Variants in ADAMTSL3 observed in about 807,000 individuals in gnomAD.
The protein encoded by ADAMTSL3 is ADAMTS like 3, also known as ADAMTS-like protein 3.
ADAMTSL3 carries 128 observed loss-of-function variants against 201.7 expected under a neutral mutation model. The observed-to-expected ratio is 0.63, with a 90% CI of 0.55 to 0.73. ADAMTSL3 has a LOEUF of 0.73. ADAMTSL3 is among the 30% of genes least tolerant of loss of function. The pLI, the probability that ADAMTSL3 is intolerant of heterozygous loss-of-function variation, is 0.00. For missense variants in ADAMTSL3, 1,990 were observed against 2,119.6 expected (o/e 0.94, Z 1.20); for synonymous variants, 738 against 748.4 (o/e 0.99, Z 0.23).
At chr15:83,707,106 A>T (rs1318003417) in intron 3 of ADAMTSL3, among the ~76,000 whole-genome samples, 1 of 152,198 alleles carries the variant, frequency 6.6e-6, no homozygotes, top group East Asian at 1.9e-4. Flanking sequence ...TTAAGAACAA[A>T]GTCTCTGGAG....
At chr15:83,756,444 T>C (rs975471813) in intron 3 of ADAMTSL3, among the ~76,000 whole-genome samples, 10 of 152,198 alleles carry the variant, frequency 6.6e-5, no homozygotes, top group African/African-American at 2.4e-4. Context: ...TCAGATGTTG[T>C]GAGACTTATT....
At chr15:83,824,815 G>C (rs948864071) in intron 6 of ADAMTSL3, 1 of 151,868 alleles carries the variant, frequency 6.6e-6, no homozygotes, top group East Asian at 1.9e-4. Flanking sequence ...TTCATGGCTT[G>C]ATAGCTCATT....
At chr15:83,926,613 CT>C (rs5814168) in intron 17 of ADAMTSL3, among the ~76,000 whole-genome samples, 88,549 of 119,850 alleles carry the variant, frequency 0.74, 30,928 homozygotes, top group East Asian at 0.86. Context: ...ACACTAACAA[CT>C]TTTTTTTTTT....
chr15:83,892,624 C>CTTTTTTT, intron 12 of ADAMTSL3, 60 bp from the exon 13 acceptor site: 1 of 1,528,310 alleles, frequency 6.5e-7, no homozygotes, highest in Non-Finnish European at 8.9e-7. Flanking sequence ...TTGCCACCAT[C>CTTTTTTT]TTTGCAAACT....
rs553736176 is a variant in ADAMTSL3 at position 83,936,232 on chromosome 15, A to G, written c.2118-6364A>G. ...TTAAAGTGCTTTAGGCCCTTATACC[A>G]TTTGTTAAGATGGAAATGATTTTGG... On this transcript the variant is annotated intron_variant, in intron 17 of 29. Transcript: ENST00000286744. Among the ~76,000 whole-genome samples the G allele has an allele frequency of 5.3e-5, 8 of 151,726 alleles. No individual in the cohort carries two copies. In the East Asian group the frequency reaches 7.7e-4, roughly 15 times the overall value.
At chr15:83,884,222 G>C (rs1428393316) in intron 9 of ADAMTSL3, among the ~76,000 whole-genome samples, 3 of 151,544 alleles carry the variant, frequency 2.0e-5, no homozygotes, top group Non-Finnish European at 4.4e-5. Context: ...ATTTTTAATT[G>C]ACAAAAATTG....
chr15:84,020,585 A>G (rs1047925778), intron 25 of ADAMTSL3, among the ~76,000 whole-genome samples: 1 of 152,252 alleles, frequency 6.6e-6, no homozygotes, highest in Non-Finnish European at 1.5e-5. Flanking sequence ...AACAAGTGAA[A>G]GAAATCACTC....
At chr15:83,740,647 C>T (rs756781012) in intron 3 of ADAMTSL3, among the ~76,000 whole-genome samples, 19 of 152,042 alleles carry the variant, frequency 1.2e-4, no homozygotes, top group Non-Finnish European at 1.8e-4. Flanking sequence ...AATAGAGTAA[C>T]GGCCACAAAA....
intron 28 of ADAMTSL3, among the ~76,000 whole-genome samples, chr15:84,036,063 C>G (rs2068499815): frequency 1.3e-5 from 2 of 152,130 alleles, no homozygotes; most frequent in Non-Finnish European, 2.9e-5. Context: ...GGAAGACACT[C>G]TCAAGCAGTG....
intron 17 of ADAMTSL3, among the ~76,000 whole-genome samples, chr15:83,929,735 GACAC>G (rs779089272): frequency 5.4e-5 from 8 of 147,686 alleles, no homozygotes; most frequent in South Asian, 2.2e-4. Flanking sequence ...GACAGAGACA[GACAC>G]ACACACACAC....
At chr15:83,904,105 G>T (rs1434410537) in intron 15 of ADAMTSL3, among the ~76,000 whole-genome samples, 3 of 151,402 alleles carry the variant, frequency 2.0e-5, no homozygotes, top group Non-Finnish European at 2.9e-5. Flanking sequence ...ACTCCTGAAG[G>T]ACACCACCCT....
chr15:83,904,775 C>T (rs1464984237), intron 15 of ADAMTSL3, among the ~76,000 whole-genome samples: 6 of 152,168 alleles, frequency 3.9e-5, no homozygotes, highest in African/African-American at 1.2e-4. Context: ...TTGTTGCCCT[C>T]GCTGTCGTTT....
At chr15:83,884,536 A>C (rs762471758) in intron 9 of ADAMTSL3, among the ~76,000 whole-genome samples, 10 of 151,656 alleles carry the variant, frequency 6.6e-5, no homozygotes, top group Admixed American at 5.3e-4. Context: ...TGACCTCCCA[A>C]AGTGCCGAGA....
chr15:84,033,309 T>G (rs956073020), intron 28 of ADAMTSL3, among the ~76,000 whole-genome samples: 99 of 152,250 alleles, frequency 6.5e-4, no homozygotes, highest in African/African-American at 2.3e-3. Flanking sequence ...TAAAATTACT[T>G]TAGAGGTTTT....
At chr15:83,913,895 G>A (rs1471059135) in intron 16 of ADAMTSL3, among the ~76,000 whole-genome samples, 1 of 152,190 alleles carries the variant, frequency 6.6e-6, no homozygotes, top group Admixed American at 6.5e-5. Flanking sequence ...TTAGAAAGTG[G>A]TTGTATAGCC....
chr15:83,982,366 G>A lies in ADAMTSL3; in HGVS notation c.2738G>A (p.Arg913His), dbSNP rs753197024. 25 of 1,613,882 alleles carry A rather than the reference G, an allele frequency of 1.5e-5. No individual in the cohort carries two copies. Among genetic ancestry groups the A allele is most frequent in the African/African-American group, 5.3e-5 (4 of 74,862 alleles). Reference sequence around the variant, plus strand: ...TACATTCAGACAAGGGAAGAGAAGCGTATTAACCTGACCATTGGTAGCAGA... The same window carrying A: ...TACATTCAGACAAGGGAAGAGAAGCATATTAACCTGACCATTGGTAGCAGA... ...RVYIQTREEK[R>H]INLTIGSRAY... Residue 913 changes from arginine to histidine, a missense_variant, in exon 21 of 30, where the codon CGT (arginine) becomes CAT (histidine). Coordinates refer to ENST00000286744, the MANE Select transcript of ADAMTSL3 (RefSeq NM_207517.3).
intron 9 of ADAMTSL3, among the ~76,000 whole-genome samples, chr15:83,884,512 T>A (rs2141867738): frequency 6.6e-6 from 1 of 151,926 alleles, no homozygotes; most frequent in South Asian, 2.1e-4. Context: ...TGACCTCAAG[T>A]GATCTACCTG....
intron 23 of ADAMTSL3, among the ~76,000 whole-genome samples, chr15:83,994,925 G>A (rs1484556788): frequency 1.3e-5 from 2 of 151,882 alleles, no homozygotes; most frequent in Non-Finnish European, 2.9e-5. Context: ...AGGAGTTTTT[G>A]TATAGTATAT....
At chr15:83,719,702 C>T (rs1050473041) in intron 3 of ADAMTSL3, among the ~76,000 whole-genome samples, 2 of 152,070 alleles carry the variant, frequency 1.3e-5, no homozygotes, top group African/African-American at 4.8e-5. Flanking sequence ...TTTCTGTCTA[C>T]CTTTATGTAT....
Sources: gnomAD v4.1 joint callset for allele counts (sites outside exome capture counted in the v4.1 genomes callset) on GRCh38, gnomAD v4.1.1 for gene constraint, MANE v1.5 for transcripts, NCBI Gene and HGNC (gene_info 2026-07-23, HGNC 2026-07-21) for gene names.